TCAF1: variants seen among roughly 807,000 people sequenced by gnomAD.
TCAF1 encodes the protein TRPM8 channel associated factor 1.
In TCAF1, 4 loss-of-function variants were observed where a neutral mutation model predicts 27.3. The ratio of observed to expected loss-of-function variants is 0.15; its 90% CI spans 0.07 to 0.34. TCAF1 has a LOEUF of 0.34. TCAF1 is among the 10% of genes least tolerant of loss of function. TCAF1 has a pLI of 1.00. For synonymous variants in TCAF1, 105 were observed against 167.1 expected, an observed-to-expected ratio of 0.63 and a Z score of 2.87; for missense variants, 257 against 425.8, an observed-to-expected ratio of 0.60 and a Z score of 3.49.
chr7:143,899,024 CT>C (rs762764001), intron 1 of TCAF1, among the ~76,000 whole-genome samples: 2 of 152,160 alleles, frequency 1.3e-5, no homozygotes, highest in Non-Finnish European at 2.9e-5. Flanking sequence ...GCCACTCAAT[CT>C]TGGACTTCCC....
intron 1 of TCAF1, among the ~76,000 whole-genome samples, chr7:143,898,940 ACT>A (rs1814004790): frequency 6.6e-6 from 1 of 152,036 alleles, no homozygotes; most frequent in Non-Finnish European, 1.5e-5. Context: ...CTCCTTTTAC[ACT>A]CTCTTTCAGC....
Position 143,876,056 on chromosome 7 carries a change from CAGTAA to C in TCAF1, c.548_552del (p.Phe183Ter), listed in dbSNP as rs781104474. 1.9e-6 allele frequency: 3 copies of C among 1,607,316 alleles called. No homozygotes were observed. Among genetic ancestry groups the C allele is most frequent in the African/African-American group, 2.7e-5 (2 of 74,678 alleles). On this transcript the variant is annotated frameshift_variant, in exon 2 of 9. Transcript: ENST00000479870. LOFTEE classifies it high-confidence loss of function. ...AAGAAACTCGTGTCCCCTTTGTTGTCAGTAAAGTAAATGCCAGCCACACTGGTCAC... is the reference window on the plus strand; with the variant it reads ...AAGAAACTCGTGTCCCCTTTGTTGTCAGTAAATGCCAGCCACACTGGTCAC...
intron 1 of TCAF1, among the ~76,000 whole-genome samples, chr7:143,893,658 C>T (rs912295221): frequency 6.6e-6 from 1 of 151,698 alleles, no homozygotes; most frequent in Non-Finnish European, 1.5e-5. Context: ...CTTCTGAACA[C>T]CCCTTAGGTC....
At chr7:143,878,277 T>C (rs1203760817) in intron 1 of TCAF1, among the ~76,000 whole-genome samples, 1 of 152,234 alleles carries the variant, frequency 6.6e-6, no homozygotes, top group African/African-American at 2.4e-5. Flanking sequence ...CAATTTAACC[T>C]AACATAGATT....
rs1192282747 is a variant in TCAF1 at position 143,859,895 on chromosome 7, T to C, written c.2167+313A>G. Among the ~76,000 whole-genome samples, 229 of 84,782 alleles carry C rather than the reference T, an allele frequency of 2.7e-3. 17 individuals are homozygous for C. Among genetic ancestry groups the C allele is most frequent in the African/African-American group, 6.4e-3 (141 of 22,160 alleles). 55.6% of individuals were successfully genotyped at this position (84,782 alleles called of 152,430 possible). ...TACATATATACATATATATAATATA[T>C]ATTATATAATATATATTACGGAATA... On this transcript the variant is annotated intron_variant, in intron 6 of 8. Transcript: ENST00000479870.
chr7:143,892,401 TATA>T (rs1232807963), intron 1 of TCAF1, among the ~76,000 whole-genome samples: 4 of 151,936 alleles, frequency 2.6e-5, no homozygotes, highest in African/African-American at 9.7e-5. Flanking sequence ...TTTAAAAAAT[TATA>T]ATTCAAAATA....
At chr7:143,886,184 A>AG (rs1448160804) in intron 1 of TCAF1, among the ~76,000 whole-genome samples, 1 of 152,074 alleles carries the variant, frequency 6.6e-6, no homozygotes, top group Admixed American at 6.5e-5. Context: ...GCTGGTCCCC[A>AG]GGGCCCCAGG....
chr7:143,889,249 T>C (rs1031791677), intron 1 of TCAF1, among the ~76,000 whole-genome samples: 3 of 152,168 alleles, frequency 2.0e-5, no homozygotes, highest in Admixed American at 2.0e-4. Context: ...GGGAGAGTTA[T>C]TATTGAAAGA....
chr7:143,885,285 G>A, intron 1 of TCAF1: 8 of 985,634 alleles, frequency 8.1e-6, no homozygotes, highest in Non-Finnish European at 8.4e-6. Flanking sequence ...AAGGCGCTGG[G>A]GCAGACGCCT....
Position 143,876,281 on chromosome 7 carries a change from C to A in TCAF1, c.328G>T (p.Val110Leu). Residue 110 changes from valine (V) to leucine (L), a missense_variant, in exon 2 of 9, where the codon GTG becomes TTG. Val to Leu is a conservative substitution (Grantham distance 32). Coordinates refer to ENST00000479870, the MANE Select transcript of TCAF1 (RefSeq NM_014719.3). The stretch of plus-strand genomic sequence containing the variant: ...ACTTCTGGCTCAACCTTTGCATCCA[C>A]TCCAGAGCCCTCGAGGATTTTGGCC... ...PLAKILEGSGVDAKVEPEVKD... is the reference protein window; with the variant it reads ...PLAKILEGSGLDAKVEPEVKD... The A allele has an allele frequency of 6.2e-7, 1 of 1,614,204 alleles. No individual in the cohort carries two copies. Among genetic ancestry groups the A allele is most frequent in the South Asian group, 1.1e-5 (1 of 91,086 alleles).
chr7:143,897,572 G>A (rs1813944034), intron 1 of TCAF1, among the ~76,000 whole-genome samples: 1 of 151,872 alleles, frequency 6.6e-6, no homozygotes, highest in Admixed American at 6.6e-5. Flanking sequence ...TATCCCGACT[G>A]CTCCATTGTT....
chr7:143,881,029 GCA>G (rs1304961653), intron 1 of TCAF1, among the ~76,000 whole-genome samples: 1 of 152,186 alleles, frequency 6.6e-6, no homozygotes, highest in Non-Finnish European at 1.5e-5. Context: ...AGTATTGAAG[GCA>G]CAACCTGTAA....
rs995528139 is a variant in TCAF1, at chr7:143,876,299, T to C, written c.310A>G (p.Ile104Val). ...VHPSLAPLAK[I>V]LEGSGVDAKV... ...GCATCCACTCCAGAGCCCTCGAGGA[T>C]TTTGGCCAAAGGTGCCAGGGATGGG... Residue 104 changes from isoleucine to valine, a missense_variant, in exon 2 of 9, where the codon ATC (isoleucine) becomes GTC (valine). Ile to Val is a conservative substitution (Grantham distance 29). This residue lies in a region of TCAF1 where 255 missense variants were observed against 260.1 expected (regional missense o/e 0.98). Transcript: ENST00000479870. The C allele has an allele frequency of 1.9e-6, 3 of 1,613,998 alleles. No homozygotes were observed. The highest frequency in any genetic ancestry group is 2.7e-5 in the African/African-American group (2 of 74,916).
chr7:143,890,577 C>T (rs930265902), intron 1 of TCAF1, among the ~76,000 whole-genome samples: 1 of 152,140 alleles, frequency 6.6e-6, no homozygotes, highest in Non-Finnish European at 1.5e-5. Context: ...AAGTAAACAA[C>T]ATAAACAGGA....
At chr7:143,888,177 A>T (rs1813502086) in intron 1 of TCAF1, among the ~76,000 whole-genome samples, 1 of 152,220 alleles carries the variant, frequency 6.6e-6, no homozygotes, top group Non-Finnish European at 1.5e-5. Context: ...TACTGATGCA[A>T]ACAACATATA....
At chr7:143,895,867 A>C (rs1336653336) in intron 1 of TCAF1, among the ~76,000 whole-genome samples, 2 of 150,120 alleles carry the variant, frequency 1.3e-5, no homozygotes, top group African/African-American at 4.9e-5. Context: ...AAAACATCAG[A>C]ACTAAGACAT....
At chr7:143,880,131 G>T (rs150314203) in intron 1 of TCAF1, among the ~76,000 whole-genome samples, 23 of 152,312 alleles carry the variant, frequency 1.5e-4, no homozygotes, top group African/African-American at 2.9e-4. Context: ...ATTATTATTA[G>T]TAGTAGTAAC....
At chr7:143,899,516 A>G (rs1339608022) in intron 1 of TCAF1, among the ~76,000 whole-genome samples, 1 of 152,250 alleles carries the variant, frequency 6.6e-6, no homozygotes, top group Non-Finnish European at 1.5e-5. Context: ...TAATTGCCAA[A>G]GGCAAAACTA....
intron 1 of TCAF1, among the ~76,000 whole-genome samples, chr7:143,897,656 G>A (rs940166474): frequency 2.0e-5 from 3 of 151,992 alleles, no homozygotes; most frequent in African/African-American, 7.2e-5. Context: ...ATGTATATGT[G>A]AAATTGTTAA....
Sources: gnomAD v4.1 joint callset for allele counts (sites outside exome capture counted in the v4.1 genomes callset) on GRCh38, gnomAD v4.1.1 for gene constraint, gnomAD v4.1.1 regional missense constraint, MANE v1.5 for transcripts, NCBI Gene and HGNC (gene_info 2026-07-23, HGNC 2026-07-21) for gene names.